SERINC5: variants seen among roughly 807,000 people sequenced by gnomAD.
SERINC5 encodes serine incorporator 5, also known as chromosome 5 open reading frame 12.
A neutral mutation model predicts 63.1 loss-of-function variants in SERINC5; 41 were observed. The ratio of observed to expected loss-of-function variants is 0.65; its 90% CI spans 0.51 to 0.84. SERINC5 has a LOEUF of 0.84. SERINC5 is among the 40% of genes least tolerant of loss of function. The pLI, the probability that SERINC5 is intolerant of heterozygous loss-of-function variation, is 0.00. For synonymous variants in SERINC5, 222 were observed against 215.2 expected (o/e 1.03, Z -0.28); for missense variants, 523 against 573.0 (o/e 0.91, Z 0.89).
intron 1 of SERINC5, among the ~76,000 whole-genome samples, chr5:80,252,555 T>C (rs186842368): frequency 3.9e-5 from 6 of 152,290 alleles, no homozygotes; most frequent in Admixed American, 3.9e-4. Context: ...GCCAACAGCC[T>C]AAGCAAAACC....
At chr5:80,153,175 TTGCC>T (rs1746295806) in intron 8 of SERINC5, among the ~76,000 whole-genome samples, 1 of 152,004 alleles carries the variant, frequency 6.6e-6, no homozygotes. Flanking sequence ...CTTTATTCAG[TTGCC>T]GGGCGTGGTG....
chr5:80,170,791 G>A (rs919613870), intron 5 of SERINC5, among the ~76,000 whole-genome samples: 16 of 152,136 alleles, frequency 1.1e-4, no homozygotes, highest in African/African-American at 3.4e-4. Flanking sequence ...CGAGGCAGGT[G>A]AATCACTTGA....
intron 1 of SERINC5, among the ~76,000 whole-genome samples, chr5:80,244,981 A>G (rs928026839): frequency 3.3e-5 from 5 of 152,250 alleles, no homozygotes; most frequent in Admixed American, 6.5e-5. Flanking sequence ...ATCCACAGGC[A>G]CTGATCTTCG....
intron 12 of SERINC5, among the ~76,000 whole-genome samples, chr5:80,112,310 A>C (rs1253363424): frequency 6.6e-6 from 1 of 152,178 alleles, no homozygotes; most frequent in Non-Finnish European, 1.5e-5. Context: ...TTGGGTGGAG[A>C]GAAGCATAAA....
rs926281568 is a variant in SERINC5, at chr5:80,178,081, G to T, written c.196-17C>A. ...AAAAGGAATCTGAGGAGAAAGTTTA[G>T]AAAAGTCATCTGTTACAACTGAGTG... On this transcript the variant is annotated splice_polypyrimidine_tract_variant and intron_variant, in intron 2 of 11. Coordinates refer to ENST00000507668, the MANE Select transcript of SERINC5 (RefSeq NM_001174072.3). 6.4e-7 allele frequency: 1 copy of T among 1,570,716 alleles called. No individual in the cohort carries two copies. The highest frequency in any genetic ancestry group is 8.6e-7 in the Non-Finnish European group (1 of 1,157,830).
At position 80,143,088 on chromosome 5, in the gene SERINC5, A is replaced by G; in HGVS notation, c.*575T>C. On this transcript the variant is annotated 3_prime_UTR_variant, in exon 12 of 12. Transcript: ENST00000507668. ...TTCCCAGCATCACAACCTCAAAGGG[A>G]AACGTTTAGGGGCCGTGAAGAGGCA... The G allele has an allele frequency of 1.0e-6, 1 of 985,358 alleles. No homozygotes were observed. The allele number at this position is 985,358 out of a possible 1,614,324, so 61.0% of individuals were successfully genotyped here.
At chr5:80,234,727 T>C (rs2112573876) in intron 1 of SERINC5, among the ~76,000 whole-genome samples, 1 of 152,308 alleles carries the variant, frequency 6.6e-6, no homozygotes, top group Admixed American at 6.5e-5. Context: ...GTTTCTAGGA[T>C]ATCTTTAAAA....
intron 11 of SERINC5, among the ~76,000 whole-genome samples, chr5:80,115,562 T>A (rs895332583): frequency 1.3e-5 from 2 of 152,062 alleles, no homozygotes; most frequent in Non-Finnish European, 2.9e-5. Flanking sequence ...GGGTAGAATT[T>A]GTTCTATTTC....
At chr5:80,228,637 T>G (rs1020447103) in intron 1 of SERINC5, among the ~76,000 whole-genome samples, 2 of 151,864 alleles carry the variant, frequency 1.3e-5, no homozygotes, top group Non-Finnish European at 2.9e-5. Flanking sequence ...TTTATTTTAT[T>G]TTTTGTTTGC....
At chr5:80,118,135 G>A (rs1019330464) in intron 11 of SERINC5, among the ~76,000 whole-genome samples, 3 of 151,934 alleles carry the variant, frequency 2.0e-5, no homozygotes, top group East Asian at 1.9e-4. Context: ...ACTGGGAGGC[G>A]GAGGTTGCAA....
intron 1 of SERINC5, among the ~76,000 whole-genome samples, chr5:80,235,173 C>T (rs1414160765): frequency 6.6e-6 from 1 of 152,186 alleles, no homozygotes; most frequent in African/African-American, 2.4e-5. Flanking sequence ...TGGAATCATA[C>T]AGTATTTGTC....
chr5:80,146,951 C>T (rs1050970456), intron 10 of SERINC5, among the ~76,000 whole-genome samples: 1 of 152,126 alleles, frequency 6.6e-6, no homozygotes, highest in Non-Finnish European at 1.5e-5. Flanking sequence ...TGGTATTTTC[C>T]AAATCACTCC....
chr5:80,137,400 G>A (rs1745249043), downstream of SERINC5, among the ~76,000 whole-genome samples: 1 of 151,894 alleles, frequency 6.6e-6, no homozygotes. Context: ...CAGCACTTTG[G>A]GAGGCCAAGA....
intron 11 of SERINC5, among the ~76,000 whole-genome samples, chr5:80,126,371 G>A (rs1339415693): frequency 1.3e-5 from 2 of 152,194 alleles, no homozygotes; most frequent in African/African-American, 4.8e-5. Context: ...AGAAATGTAA[G>A]CTTCCCTGGT....
chr5:80,191,455 C>T (rs1181483741), intron 2 of SERINC5, among the ~76,000 whole-genome samples: 1 of 102,854 alleles, frequency 9.7e-6, no homozygotes, highest in Non-Finnish European at 1.8e-5. Flanking sequence ...CCAGCCTGGG[C>T]AACATAGGGA....
chr5:80,151,383 G>A (rs1268634405), intron 8 of SERINC5, among the ~76,000 whole-genome samples: 1 of 152,258 alleles, frequency 6.6e-6, no homozygotes, highest in African/African-American at 2.4e-5. Context: ...GTTATTTACT[G>A]TGATAGCCTA....
chr5:80,188,412 C>T (rs1029788920), intron 2 of SERINC5, among the ~76,000 whole-genome samples: 2 of 151,800 alleles, frequency 1.3e-5, no homozygotes, highest in East Asian at 1.9e-4. Context: ...ACAAATAACC[C>T]AGTGTCCTTG....
intron 1 of SERINC5, among the ~76,000 whole-genome samples, chr5:80,226,652 C>T (rs1338219381): frequency 6.6e-6 from 1 of 152,170 alleles, no homozygotes; most frequent in Non-Finnish European, 1.5e-5. Context: ...GAACACAGCA[C>T]AGCCTTGGGC....
chr5:80,248,896 T>C (rs560182416), intron 1 of SERINC5, among the ~76,000 whole-genome samples: 4 of 152,248 alleles, frequency 2.6e-5, no homozygotes, highest in Non-Finnish European at 5.9e-5. Context: ...TGATGCCATC[T>C]AACAGAGATG....
Sources: allele counts gnomAD v4.1 joint callset (sites outside exome capture counted in the v4.1 genomes callset), GRCh38; gene constraint gnomAD v4.1.1; transcripts MANE v1.5; gene names NCBI Gene and HGNC (gene_info 2026-07-23, HGNC 2026-07-21).